FHIT: variants seen among roughly 807,000 people sequenced by gnomAD.
FHIT encodes bis(5'-adenosyl)-triphosphatase.
A neutral mutation model predicts 17.9 loss-of-function variants in FHIT; 19 were observed. That is an observed-to-expected ratio of 1.06 (90% CI 0.74 to 1.56). FHIT has a LOEUF of 1.56. Ranked by LOEUF, FHIT falls within the 40% of genes most tolerant of loss-of-function variation. FHIT has a pLI of 0.00. For synonymous variants in FHIT, 81 were observed against 69.7 expected (o/e 1.16, Z -0.81); for missense variants, 248 against 189.2 (o/e 1.31, Z -1.82).
intron 7 of FHIT, among the ~76,000 whole-genome samples, chr3:60,009,879 C>T (rs114936039): frequency 2.3e-3 from 349 of 152,230 alleles, no homozygotes; most frequent in African/African-American, 7.9e-3. Flanking sequence ...TTTTCTATCC[C>T]GCTTTAGAAT....
At chr3:61,186,001 GA>G (rs774357886) in intron 2 of FHIT, among the ~76,000 whole-genome samples, 29 of 152,220 alleles carry the variant, frequency 1.9e-4, no homozygotes, top group Non-Finnish European at 3.5e-4. Context: ...ACAAAACAAA[GA>G]AGCATTTTCA....
In FHIT at chr3:59,852,003, A is replaced by C. The variant is rs560229154; in HGVS notation, c.348+70343T>G. ...CTTGAGTCTCAGTTTAGTAGAGATAAGATTCACCCAGTCGGGGGATATTAG... is the reference window on the plus strand; with the variant it reads ...CTTGAGTCTCAGTTTAGTAGAGATACGATTCACCCAGTCGGGGGATATTAG... On this transcript the variant is annotated intron_variant, in intron 8 of 9. Coordinates refer to ENST00000492590, the MANE Select transcript of FHIT (RefSeq NM_002012.4). 2.6e-4 allele frequency among the ~76,000 whole-genome samples: 39 copies of C among 152,366 alleles called. 1 individual carries two copies. The South Asian group carries it at 7.4e-3, about 29-fold the overall frequency.
At chr3:60,819,568 C>A (rs1213576830) in intron 4 of FHIT, among the ~76,000 whole-genome samples, 2 of 152,154 alleles carry the variant, frequency 1.3e-5, no homozygotes, top group African/African-American at 4.8e-5. Flanking sequence ...AAAATGCCAA[C>A]CCAGAGTTGG....
intron 3 of FHIT, among the ~76,000 whole-genome samples, chr3:60,870,842 C>A (rs1704383046): frequency 6.6e-6 from 1 of 152,044 alleles, no homozygotes; most frequent in African/African-American, 2.4e-5. Context: ...GAGAGTCCCC[C>A]ATGGGTAAGA....
chr3:59,800,810 CCACAACAGGA>C (rs1699963272), intron 8 of FHIT, among the ~76,000 whole-genome samples: 1 of 151,934 alleles, frequency 6.6e-6, no homozygotes, highest in Non-Finnish European at 1.5e-5. Flanking sequence ...GAGTGTTAAA[CCACAACAGGA>C]CAGGAGTGCA....
chr3:60,856,185 G>T (rs1325233441), intron 3 of FHIT, among the ~76,000 whole-genome samples: 1 of 152,056 alleles, frequency 6.6e-6, no homozygotes, highest in African/African-American at 2.4e-5. Context: ...GGCAGATAAA[G>T]TTGCTTCTTG....
chr3:60,027,143 ACACAC>A (rs201803951), intron 5 of FHIT, among the ~76,000 whole-genome samples: 7,308 of 134,018 alleles, frequency 0.055, 429 homozygotes, highest in Admixed American at 0.13. Context: ...ACACACACAC[ACACAC>A]AAAATTAGTA....
intron 5 of FHIT, among the ~76,000 whole-genome samples, chr3:60,294,453 A>G (rs1214045576): frequency 6.6e-6 from 1 of 152,184 alleles, no homozygotes; most frequent in Non-Finnish European, 1.5e-5. Flanking sequence ...CAGAACTTGC[A>G]CCAGAATACT....
chr3:60,184,171 G>A (rs1244437645), intron 5 of FHIT, among the ~76,000 whole-genome samples: 1 of 151,820 alleles, frequency 6.6e-6, no homozygotes, highest in Non-Finnish European at 1.5e-5. Flanking sequence ...TTTTGGTAGA[G>A]ACCAACTCTT....
intron 5 of FHIT, among the ~76,000 whole-genome samples, chr3:60,143,901 C>T (rs1576193865): frequency 6.6e-6 from 1 of 152,058 alleles, no homozygotes; most frequent in Non-Finnish European, 1.5e-5. Context: ...GGCCATACAG[C>T]ATAAGCAAAA....
chr3:59,898,056 G>A lies in FHIT; in HGVS notation c.348+24290C>T, dbSNP rs561472356. The stretch of plus-strand genomic sequence containing the variant: ...TGCTGGGATTACAGGCATCAGCCAC[G>A]GTGCCCAGCCCAAAATCTGAAACTT... On this transcript the variant is annotated intron_variant, in intron 8 of 9. Transcript: ENST00000492590. Among the ~76,000 whole-genome samples the A allele has an allele frequency of 2.4e-4, 36 of 151,996 alleles. 1 individual carries two copies. The South Asian group carries it at 5.8e-3, about 25-fold the overall frequency.
chr3:60,526,433 C>A (rs565281300), intron 5 of FHIT, among the ~76,000 whole-genome samples: 208 of 152,242 alleles, frequency 1.4e-3, no homozygotes, highest in Non-Finnish European at 1.7e-3. Context: ...CCTAGTGGTG[C>A]CTGCCTCCTA....
chr3:60,116,402 A>G (rs1704964834), intron 5 of FHIT, among the ~76,000 whole-genome samples: 1 of 152,112 alleles, frequency 6.6e-6, no homozygotes, highest in Non-Finnish European at 1.5e-5. Flanking sequence ...TTTGAACTCG[A>G]TCCTCAGCCT....
At chr3:60,326,329 G>T (rs1029884303) in intron 5 of FHIT, among the ~76,000 whole-genome samples, 1 of 152,080 alleles carries the variant, frequency 6.6e-6, no homozygotes, top group Non-Finnish European at 1.5e-5. Context: ...CCCATCTGGG[G>T]GTGATGGGAG....
chr3:60,400,922 TAAAA>T (rs963876136), intron 5 of FHIT, among the ~76,000 whole-genome samples: 1 of 148,278 alleles, frequency 6.7e-6, no homozygotes, highest in Non-Finnish European at 1.5e-5. Context: ...ATTCTTTGGT[TAAAA>T]AAAAAAATTA....
At chr3:60,274,443 T>C (rs1707025357) in intron 5 of FHIT, among the ~76,000 whole-genome samples, 1 of 152,164 alleles carries the variant, frequency 6.6e-6, no homozygotes, top group South Asian at 2.1e-4. Flanking sequence ...TACCTAAAAA[T>C]GTATCTTATA....
intron 4 of FHIT, among the ~76,000 whole-genome samples, chr3:60,540,880 A>T (rs576977591): frequency 1.3e-5 from 2 of 152,310 alleles, no homozygotes; most frequent in African/African-American, 4.8e-5. Flanking sequence ...CAACCAGCTC[A>T]TTAAAAACCC....
intron 3 of FHIT, among the ~76,000 whole-genome samples, chr3:60,843,195 A>G (rs143917359): frequency 6.6e-6 from 1 of 152,276 alleles, no homozygotes; most frequent in East Asian, 1.9e-4. Context: ...GCTAAAAAGG[A>G]GAACCACAGA....
chr3:60,333,674 A>C (rs10866035), intron 5 of FHIT, among the ~76,000 whole-genome samples: 79,298 of 151,956 alleles, frequency 0.52, 21,723 homozygotes, highest in South Asian at 0.74. Flanking sequence ...GAAACCAACC[A>C]AATTGTCCCA....
Sources: gnomAD v4.1 joint callset for allele counts (sites outside exome capture counted in the v4.1 genomes callset) on GRCh38, gnomAD v4.1.1 for gene constraint, MANE v1.5 for transcripts, NCBI Gene and HGNC (gene_info 2026-07-23, HGNC 2026-07-21) for gene names.